Variants in DST observed in about 807,000 individuals in gnomAD.
DST encodes the protein bullous pemphigoid antigen.
A neutral mutation model predicts 875.2 loss-of-function variants in DST; 253 were observed. The ratio of observed to expected loss-of-function variants is 0.29; its 90% CI spans 0.26 to 0.32. The LOEUF (loss-of-function observed/expected upper bound fraction) is 0.32, where lower values mean the gene tolerates loss of function less well. Ranked by LOEUF, DST falls within the 10% of genes least tolerant of loss-of-function variation. The pLI is 1.00. For synonymous variants in DST, 3,124 were observed against 3,197.1 expected, an observed-to-expected ratio of 0.98 and a Z score of 0.77; for missense variants, 8,287 against 9,111.6, an observed-to-expected ratio of 0.91 and a Z score of 3.68.
chr6:56,463,513 C>G lies in DST; in HGVS notation c.22959+52G>C, dbSNP rs550178084. 1.9e-4 allele frequency: 279 copies of G among 1,461,964 alleles called. 1 individual carries two copies. In the Middle Eastern group the frequency reaches 8.8e-3, roughly 46 times the overall value. 90.6% of individuals were successfully genotyped at this position (1,461,964 alleles called of 1,614,324 possible). ...CCTAAATAGAACATTCAAAAGTCTA[C>G]TTGGGACATTGATTGCAAAGGTGGA... On this transcript the variant is annotated intron_variant, in intron 101 of 103. Transcript: ENST00000680361.
At chr6:56,847,262 G>T (rs1172757943) in intron 4 of DST, among the ~76,000 whole-genome samples, 3 of 152,220 alleles carry the variant, frequency 2.0e-5, no homozygotes, top group African/African-American at 4.8e-5. Flanking sequence ...AGAGGTGGCA[G>T]TGAGCTGTGA....
chr6:56,595,999 T>G (rs2098375846), intron 47 of DST, among the ~76,000 whole-genome samples: 1 of 70,616 alleles, frequency 1.4e-5, no homozygotes, highest in Non-Finnish European at 3.4e-5. Flanking sequence ...AGATTAGGAC[T>G]TTCTTTCTTT....
At chr6:56,754,689 T>TA (rs924649897) in intron 4 of DST, among the ~76,000 whole-genome samples, 3 of 152,134 alleles carry the variant, frequency 2.0e-5, no homozygotes, top group African/African-American at 4.8e-5. Context: ...AATCAACTCT[T>TA]AAAAAAAATT....
intron 4 of DST, among the ~76,000 whole-genome samples, chr6:56,784,108 G>C (rs2099700085): frequency 6.6e-6 from 1 of 152,206 alleles, no homozygotes; most frequent in Non-Finnish European, 1.5e-5. Context: ...TTAGTCTGAT[G>C]AGCTTCCCTT....
At chr6:56,729,200 G>GA (rs1274810503) in intron 5 of DST, among the ~76,000 whole-genome samples, 2 of 152,022 alleles carry the variant, frequency 1.3e-5, no homozygotes, top group Admixed American at 6.6e-5. Flanking sequence ...AAGGTCTGGG[G>GA]AAAAAAGTCT....
chr6:56,631,326 C>T lies in DST; in HGVS notation c.4027G>A (p.Glu1343Lys). Residue 1343 changes from glutamate to lysine, a missense_variant, in exon 30 of 104, where the codon GAG becomes AAG. Physicochemically the swap from Glu to Lys is moderately conservative, Grantham distance 56. This residue lies in a region of DST where 3,138 missense variants were observed against 3,116.6 expected (regional missense o/e 1.01). Coordinates refer to ENST00000680361, the MANE Select transcript of DST (RefSeq NM_001374736.1). ...GAGGCTGCTGCTTGACTGAAAAACT[C>T]CTCACACTTATTTGTGATTGTTCCC... ...DLGTITNKCE[E>K]FFSQAAASSS... The T allele has an allele frequency of 6.2e-7, 1 of 1,614,016 alleles. No homozygotes were observed. The highest frequency in any genetic ancestry group is 8.5e-7 in the Non-Finnish European group (1 of 1,179,972).
At chr6:56,843,163 C>T (rs762879361) in intron 4 of DST, 36 of 1,547,996 alleles carry the variant, frequency 2.3e-5, no homozygotes, top group Non-Finnish European at 6.2e-6. Flanking sequence ...TTTATCTAAG[C>T]GATGACTGAC....
chr6:56,487,330 A>G (rs996231266), intron 86 of DST, 57 bp from the exon 87 acceptor site: 14 of 1,441,840 alleles, frequency 9.7e-6, no homozygotes, highest in Middle Eastern at 1.8e-4. Context: ...TAAACAGGTA[A>G]GAGGCATTAA....
intron 49 of DST, among the ~76,000 whole-genome samples, chr6:56,583,521 G>T (rs1474825577): frequency 6.6e-6 from 1 of 152,026 alleles, no homozygotes; most frequent in Non-Finnish European, 1.5e-5. Flanking sequence ...AGTAGGTTAC[G>T]AAAATTTTCT....
intron 2 of DST, among the ~76,000 whole-genome samples, chr6:56,939,938 A>G (rs1815456570): frequency 6.6e-6 from 1 of 152,014 alleles, no homozygotes. Flanking sequence ...AGGCAGGAGA[A>G]TCGCTTGAAC....
chr6:56,561,998 G>T, intron 56 of DST, 140 bp downstream of exon 56: 1 of 452,772 alleles, frequency 2.2e-6, no homozygotes, highest in South Asian at 7.3e-5. Flanking sequence ...AATTTTTATG[G>T]AGATTGTGAC....
chr6:56,545,292 C>T (rs755866915), intron 61 of DST, among the ~76,000 whole-genome samples: 3 of 152,070 alleles, frequency 2.0e-5, no homozygotes, highest in Non-Finnish European at 4.4e-5. Flanking sequence ...GCATGACCCA[C>T]TGTGCCCAGC....
intron 3 of DST, among the ~76,000 whole-genome samples, chr6:56,868,407 C>T (rs908593966): frequency 3.3e-5 from 5 of 152,108 alleles, no homozygotes; most frequent in Non-Finnish European, 7.4e-5. Context: ...AAATTCCATA[C>T]CTTTAATGTT....
At chr6:56,832,438 G>A (rs951418159) in intron 4 of DST, among the ~76,000 whole-genome samples, 2 of 152,076 alleles carry the variant, frequency 1.3e-5, no homozygotes, top group Non-Finnish European at 2.9e-5. Flanking sequence ...CATGTAAGAC[G>A]TGACTTGCCC....
chr6:56,610,874 C>T (rs540620999), intron 38 of DST, among the ~76,000 whole-genome samples: 1 of 152,272 alleles, frequency 6.6e-6, no homozygotes, highest in South Asian at 2.1e-4. Flanking sequence ...TTAATCCCAA[C>T]ATGGAAAAGG....
intron 77 of DST, among the ~76,000 whole-genome samples, chr6:56,505,500 G>A (rs898344709): frequency 3.3e-5 from 5 of 150,360 alleles, no homozygotes; most frequent in African/African-American, 7.3e-5. Context: ...AAAAAGAAGA[G>A]GGAGGGAGAA....
chr6:56,850,606 A>T (rs1764671614), intron 4 of DST, among the ~76,000 whole-genome samples: 1 of 152,174 alleles, frequency 6.6e-6, no homozygotes. Flanking sequence ...AGAAAAAAAA[A>T]ATATTGAGGG....
At chr6:56,530,921 C>T (rs1026650865) in intron 64 of DST, among the ~76,000 whole-genome samples, 1 of 152,124 alleles carries the variant, frequency 6.6e-6, no homozygotes, top group African/African-American at 2.4e-5. Flanking sequence ...AGAGATATTG[C>T]TGCCTTAACT....
intron 69 of DST, among the ~76,000 whole-genome samples, chr6:56,523,849 G>C (rs1352232391): frequency 1.3e-5 from 2 of 152,068 alleles, no homozygotes; most frequent in African/African-American, 4.8e-5. Context: ...CAGGGGTCTG[G>C]GGAAAGAGTC....
Sources: gnomAD v4.1 joint callset for allele counts (sites outside exome capture counted in the v4.1 genomes callset) on GRCh38, gnomAD v4.1.1 for gene constraint, gnomAD v4.1.1 regional missense constraint, MANE v1.5 for transcripts, NCBI Gene and HGNC (gene_info 2026-07-23, HGNC 2026-07-21) for gene names.